The following GPBP1L1 variants were observed in gnomAD, a reference collection of about 807,000 sequenced individuals.
The protein encoded by GPBP1L1 is vasculin-like protein 1.
A neutral mutation model predicts 52.5 loss-of-function variants in GPBP1L1; 23 were observed. That is an observed-to-expected ratio of 0.44 (90% CI 0.32 to 0.62). The LOEUF is 0.62. Ranked by LOEUF, GPBP1L1 falls within the 20% of genes least tolerant of loss-of-function variation. The pLI is 0.06. For missense variants in GPBP1L1, 596 were observed against 579.3 expected (o/e 1.03, Z -0.30); for synonymous variants, 243 against 203.1 (o/e 1.20, Z -1.67).
At chr1:45,661,878 C>G (rs1159246113) in intron 2 of GPBP1L1, among the ~76,000 whole-genome samples, 1 of 152,138 alleles carries the variant, frequency 6.6e-6, no homozygotes, top group Non-Finnish European at 1.5e-5. Flanking sequence ...AGATTTTTCT[C>G]TCATAAATGG....
chr1:45,647,967 G>T (rs191855485), intron 6 of GPBP1L1, among the ~76,000 whole-genome samples: 12 of 152,070 alleles, frequency 7.9e-5, no homozygotes, highest in Non-Finnish European at 1.5e-4. Context: ...TTGAGACAGG[G>T]TCTCACTCTG....
intron 8 of GPBP1L1, chr1:45,635,498 C>A (rs1481912124): frequency 6.6e-6 from 1 of 152,142 alleles, no homozygotes; most frequent in African/African-American, 2.4e-5. Flanking sequence ...CACAGTAGTA[C>A]AAAAGATTTA....
chr1:45,673,136 G>C lies in GPBP1L1; in HGVS notation c.-1097-11911C>G, dbSNP rs118104951. Among the ~76,000 whole-genome samples the C allele has an allele frequency of 2.0e-4, 30 of 152,292 alleles. No homozygotes were observed. In the East Asian group the frequency reaches 5.6e-3, roughly 28 times the overall value. ...ATCCTTCAGCAGTTCAGAGGGGTGA[G>C]ATGGGATGTACCAGTGAAGACTGGC... On this transcript the variant is annotated intron_variant, in intron 2 of 12. Coordinates refer to ENST00000355105, the MANE Select transcript of GPBP1L1 (RefSeq NM_021639.5).
intron 2 of GPBP1L1, among the ~76,000 whole-genome samples, chr1:45,667,702 C>T (rs531838143): frequency 1.3e-5 from 2 of 152,132 alleles, no homozygotes; most frequent in Non-Finnish European, 2.9e-5. Context: ...TTAAAACAAA[C>T]CCCCTTCCTA....
intron 6 of GPBP1L1, among the ~76,000 whole-genome samples, chr1:45,648,889 G>A (rs987620445): frequency 4.6e-5 from 7 of 152,288 alleles, no homozygotes; most frequent in East Asian, 1.9e-4. Flanking sequence ...TTAGCTGGGC[G>A]TAGGGGTGCG....
intron 8 of GPBP1L1, among the ~76,000 whole-genome samples, chr1:45,639,126 T>C (rs1280678420): frequency 6.6e-6 from 1 of 152,094 alleles, no homozygotes; most frequent in East Asian, 1.9e-4. Context: ...TGGCCCTTCA[T>C]AGAAAAAAAT....
At position 45,640,800 on chromosome 1, in the gene GPBP1L1, A is replaced by G. The variant is rs528046185; in HGVS notation, c.551-397T>C. 3.3e-5 allele frequency among the ~76,000 whole-genome samples: 5 copies of G among 152,250 alleles called. No homozygotes were observed. The East Asian group carries it at 7.7e-4, about 24-fold the overall frequency. The stretch of plus-strand genomic sequence containing the variant: ...GAGGTGGGCAGATCACTTGAGTCCC[A>G]AGAGTTCGAGACCAGCCTGGGCTGG... On this transcript the variant is annotated intron_variant, in intron 7 of 12. Transcript: ENST00000355105.
At chr1:45,653,032 G>A (rs1303755763) in intron 6 of GPBP1L1, among the ~76,000 whole-genome samples, 1 of 152,164 alleles carries the variant, frequency 6.6e-6, no homozygotes, top group African/African-American at 2.4e-5. Context: ...CAATATGTAA[G>A]GGCAGTATAG....
At chr1:45,654,382 CA>C in intron 6 of GPBP1L1, 160 bp downstream of exon 6, 1 of 680,078 alleles carries the variant, frequency 1.5e-6, no homozygotes, top group South Asian at 2.8e-5. Context: ...TCACCATTTT[CA>C]AATATTATCA....
chr1:45,668,720 A>G (rs577121483), intron 2 of GPBP1L1, among the ~76,000 whole-genome samples: 2 of 152,328 alleles, frequency 1.3e-5, no homozygotes, highest in East Asian at 3.9e-4. Context: ...AGGCTGAACA[A>G]ATGTTCTTGA....
chr1:45,637,759 C>T (rs765310286), intron 8 of GPBP1L1, among the ~76,000 whole-genome samples: 4 of 152,050 alleles, frequency 2.6e-5, no homozygotes, highest in Non-Finnish European at 5.9e-5. Flanking sequence ...TCTTTATAAA[C>T]TCTCAAGAAA....
At chr1:45,652,038 T>C (rs1644825391) in intron 6 of GPBP1L1, among the ~76,000 whole-genome samples, 1 of 152,368 alleles carries the variant, frequency 6.6e-6, no homozygotes, top group South Asian at 2.1e-4. Context: ...GCAAGGTTTG[T>C]CAGCCATGAC....
intron 2 of GPBP1L1, among the ~76,000 whole-genome samples, chr1:45,683,198 T>C (rs992439017): frequency 3.5e-5 from 5 of 142,944 alleles, no homozygotes; most frequent in Admixed American, 1.4e-4. Context: ...AATTTGAATA[T>C]AGGCCTTTTT....
chr1:45,687,232 T>A (rs1365092062), upstream of GPBP1L1: 1 of 152,426 alleles, frequency 6.6e-6, no homozygotes, highest in East Asian at 1.9e-4. Context: ...GGCGAGAGCC[T>A]GCGCTTGCGA....
chr1:45,682,984 T>A (rs1482509357), intron 2 of GPBP1L1, among the ~76,000 whole-genome samples: 1 of 152,026 alleles, frequency 6.6e-6, no homozygotes, highest in East Asian at 1.9e-4. Flanking sequence ...CTACAGCCAC[T>A]TAGGGGGTAT....
chr1:45,633,764 C>A, intron 9 of GPBP1L1, 117 bp from the exon 10 acceptor site: 1 of 1,076,662 alleles, frequency 9.3e-7, no homozygotes, highest in Non-Finnish European at 1.3e-6. Context: ...TGTCTTAAAC[C>A]AAACAATCCT....
intron 4 of GPBP1L1, among the ~76,000 whole-genome samples, chr1:45,657,778 G>C (rs779871129): frequency 6.6e-6 from 1 of 152,074 alleles, no homozygotes; most frequent in Non-Finnish European, 1.5e-5. Context: ...GCTTGAGCCC[G>C]GGAGTTCAAG....
At chr1:45,645,544 C>T (rs1359048662) in intron 6 of GPBP1L1, among the ~76,000 whole-genome samples, 1 of 152,128 alleles carries the variant, frequency 6.6e-6, no homozygotes, top group Non-Finnish European at 1.5e-5. Context: ...CATGTTCTCC[C>T]CATCTTCCCA....
intron 2 of GPBP1L1, among the ~76,000 whole-genome samples, chr1:45,666,859 TC>T (rs1173185381): frequency 3.3e-5 from 5 of 152,224 alleles, no homozygotes; most frequent in African/African-American, 1.2e-4. Context: ...AGGCTATTAT[TC>T]AGCTATAAAA....
Sources: gnomAD v4.1 joint callset for allele counts (sites outside exome capture counted in the v4.1 genomes callset) on GRCh38, gnomAD v4.1.1 for gene constraint, MANE v1.5 for transcripts, NCBI Gene and HGNC (gene_info 2026-07-23, HGNC 2026-07-21) for gene names.